Variants in DLG2 observed in about 807,000 individuals in gnomAD.
DLG2 encodes the protein disks large homolog 2.
Under a neutral mutation model 132.5 loss-of-function variants are expected in DLG2, and 45 were observed. The ratio of observed to expected loss-of-function variants is 0.34; its 90% CI spans 0.27 to 0.44. The LOEUF (loss-of-function observed/expected upper bound fraction) is 0.44. Ranked by LOEUF, DLG2 falls within the 20% of genes least tolerant of loss-of-function variation. DLG2 has a pLI of 1.00. For missense variants in DLG2, 1,045 were observed against 1,196.9 expected (o/e 0.87, Z 1.87); for synonymous variants, 424 against 419.6 (o/e 1.01, Z -0.13).
intron 6 of DLG2, among the ~76,000 whole-genome samples, chr11:84,551,737 A>C (rs1004875527): frequency 2.0e-5 from 3 of 152,070 alleles, no homozygotes; most frequent in Admixed American, 6.6e-5. Flanking sequence ...TTACTCTCTG[A>C]CTCAGATGTT....
At chr11:84,308,798 C>G (rs949549211) in intron 7 of DLG2, among the ~76,000 whole-genome samples, 8 of 152,232 alleles carry the variant, frequency 5.3e-5, no homozygotes, top group African/African-American at 1.9e-4. Context: ...CCCGTCATTG[C>G]CCGGGCCGGC....
intron 15 of DLG2, among the ~76,000 whole-genome samples, chr11:83,917,560 C>T (rs974771262): frequency 3.3e-5 from 5 of 152,122 alleles, no homozygotes; most frequent in African/African-American, 4.8e-5. Flanking sequence ...CAAAAAATCC[C>T]AGGGGAAACT....
chr11:83,739,711 A>C (rs1475912703), intron 18 of DLG2, among the ~76,000 whole-genome samples: 3 of 152,154 alleles, frequency 2.0e-5, no homozygotes, highest in Non-Finnish European at 4.4e-5. Flanking sequence ...ACAGCTAAAA[A>C]TCTTACATGT....
At chr11:84,377,765 A>G (rs1046246518) in intron 7 of DLG2, among the ~76,000 whole-genome samples, 1 of 152,186 alleles carries the variant, frequency 6.6e-6, no homozygotes, top group Non-Finnish European at 1.5e-5. Context: ...TAAAACATAT[A>G]TATTTTAATG....
Position 83,479,979 on chromosome 11 carries a change from A to G in DLG2, c.2293+4150T>C, listed in dbSNP as rs936200754. ...AAGGGGAGCCAAGAACAGAAAGGAA[A>G]TGGCAAAATAAGAAGGAAAACAATA... is the stretch of plus-strand genomic sequence containing the variant. On this transcript the variant is annotated intron_variant, in intron 22 of 27. Transcript: ENST00000376104. Among the ~76,000 whole-genome samples, 4 of 152,234 alleles carry G rather than the reference A, an allele frequency of 2.6e-5. No homozygotes were observed. In the East Asian group the frequency reaches 7.7e-4, roughly 29 times the overall value.
chr11:84,922,969 C>T (rs2092827791), intron 6 of DLG2: 4 of 1,381,040 alleles, frequency 2.9e-6, no homozygotes, highest in East Asian at 2.3e-5. Context: ...TAATAATCTG[C>T]CTGCTCAGCC....
At chr11:85,279,474 T>C (rs2078099526) in intron 4 of DLG2, among the ~76,000 whole-genome samples, 1 of 152,130 alleles carries the variant, frequency 6.6e-6, no homozygotes, top group Non-Finnish European at 1.5e-5. Context: ...GCTGCTATAA[T>C]AAAAAGTTAA....
At chr11:84,296,812 G>A (rs1474629162) in intron 7 of DLG2, among the ~76,000 whole-genome samples, 1 of 152,132 alleles carries the variant, frequency 6.6e-6, no homozygotes, top group Non-Finnish European at 1.5e-5. Flanking sequence ...TCAGTAGGGT[G>A]AATTGATGAT....
At chr11:85,343,910 AG>A (rs5793162) in intron 3 of DLG2, among the ~76,000 whole-genome samples, 6,929 of 152,304 alleles carry the variant, frequency 0.045, 205 homozygotes, top group East Asian at 0.093. Flanking sequence ...ATTTCAGCAA[AG>A]AAAATTAGGA....
intron 10 of DLG2, among the ~76,000 whole-genome samples, chr11:84,095,105 A>G (rs141373641): frequency 2.2e-4 from 33 of 152,272 alleles, no homozygotes; most frequent in African/African-American, 7.0e-4. Context: ...AAACTTAGGG[A>G]AGAACACACA....
At chr11:85,488,047 G>A (rs972754081) in intron 3 of DLG2, among the ~76,000 whole-genome samples, 1 of 152,158 alleles carries the variant, frequency 6.6e-6, no homozygotes, top group Non-Finnish European at 1.5e-5. Context: ...TTTTATTAGG[G>A]ATTTTTGCTT....
chr11:83,684,220 GGTCTCTAT>G (rs1418566466), intron 18 of DLG2, among the ~76,000 whole-genome samples: 2 of 152,068 alleles, frequency 1.3e-5, no homozygotes, highest in African/African-American at 2.4e-5. Flanking sequence ...CCACTGGTGA[GGTCTCTAT>G]CTGATGAGCT....
intron 18 of DLG2, among the ~76,000 whole-genome samples, chr11:83,774,682 G>C (rs941841325): frequency 6.6e-6 from 1 of 152,128 alleles, no homozygotes; most frequent in African/African-American, 2.4e-5. Context: ...TCTAAGTATG[G>C]TGCAAAGGGC....
intron 19 of DLG2, among the ~76,000 whole-genome samples, chr11:83,560,695 T>G (rs538372262): frequency 6.6e-6 from 1 of 152,344 alleles, no homozygotes; most frequent in South Asian, 2.1e-4. Flanking sequence ...CTTTCCAATC[T>G]GTTAATTCAT....
intron 3 of DLG2, among the ~76,000 whole-genome samples, chr11:85,508,418 G>A (rs970088931): frequency 4.6e-5 from 7 of 151,894 alleles, no homozygotes; most frequent in African/African-American, 1.4e-4. Flanking sequence ...CAAGTCATTC[G>A]GCTCTCTAAT....
At chr11:85,584,755 T>C (rs1189769550) in intron 3 of DLG2, among the ~76,000 whole-genome samples, 2 of 152,212 alleles carry the variant, frequency 1.3e-5, no homozygotes, top group South Asian at 2.1e-4. Context: ...TCATTACTGA[T>C]GTAGAGCATT....
At chr11:84,657,958 A>G (rs2099690191) in intron 6 of DLG2, among the ~76,000 whole-genome samples, 1 of 152,168 alleles carries the variant, frequency 6.6e-6, no homozygotes. Flanking sequence ...ATATAACCAT[A>G]TATAATAAAG....
intron 16 of DLG2, among the ~76,000 whole-genome samples, chr11:83,855,056 T>A (rs2060315909): frequency 1.3e-5 from 2 of 151,868 alleles, no homozygotes; most frequent in Admixed American, 6.6e-5. Context: ...AGATGACAAA[T>A]AAGCACATGA....
chr11:83,490,021 T>C (rs969542718), intron 21 of DLG2, among the ~76,000 whole-genome samples: 4 of 152,024 alleles, frequency 2.6e-5, no homozygotes, highest in Non-Finnish European at 4.4e-5. Context: ...AGCTTAGATG[T>C]AATGAAACCC....
Sources: allele counts gnomAD v4.1 joint callset (sites outside exome capture counted in the v4.1 genomes callset), GRCh38; gene constraint gnomAD v4.1.1; transcripts MANE v1.5; gene names NCBI Gene and HGNC (gene_info 2026-07-23, HGNC 2026-07-21).